Variants in VMA12 observed in about 807,000 individuals in gnomAD.
The protein encoded by VMA12 is vacuolar ATPase assembly factor VMA12.
chr17:28,358,603 A>G, the VMA12 span: 3 of 481,468 alleles, frequency 6.2e-6, no homozygotes, highest in Non-Finnish European at 1.2e-5. Context: ...ACTATGACCT[A>G]AACTTATTTA....
At chr17:28,358,402 T>C in the VMA12 span, 1 of 472,272 alleles carries the variant, frequency 2.1e-6, no homozygotes, top group Non-Finnish European at 4.4e-6. Flanking sequence ...GAAGGAGTCA[T>C]TTCTCCTCGC....
the VMA12 span, chr17:28,360,542 G>A: frequency 6.2e-7 from 1 of 1,614,170 alleles, no homozygotes. Flanking sequence ...ACAAGACATG[G>A]TGGGACTCTC....
the VMA12 span, chr17:28,360,581 T>C: frequency 1.9e-6 from 3 of 1,614,174 alleles, no homozygotes; most frequent in African/African-American, 2.7e-5. Flanking sequence ...GGTGAGGTAC[T>C]AGGAGATCAG....
the VMA12 span, chr17:28,360,535 A>G: frequency 6.2e-7 from 1 of 1,614,154 alleles, no homozygotes; most frequent in Non-Finnish European, 8.5e-7. Context: ...CCAGGATACA[A>G]GACATGGTGG....
the VMA12 span, chr17:28,363,672 A>G: frequency 6.6e-6 from 1 of 152,226 alleles, no homozygotes. Context: ...AATTAAATCA[A>G]CATAAGCCCC....
chr17:28,361,303 A>T, the VMA12 span: 6 of 1,571,822 alleles, frequency 3.8e-6, no homozygotes, highest in East Asian at 1.1e-4. Context: ...TTCAGGCTCC[A>T]ATTGGCAGTC....
chr17:28,360,824 T>C, the VMA12 span: 1 of 1,613,900 alleles, frequency 6.2e-7, no homozygotes, highest in Non-Finnish European at 8.5e-7. Flanking sequence ...TGGAAGCCAA[T>C]ATATCTTCAC....
chr17:28,358,902 C>G, the VMA12 span: 1 of 1,603,954 alleles, frequency 6.2e-7, no homozygotes, highest in African/African-American at 1.3e-5. Context: ...GTTTGTGAAA[C>G]CTTTTCTTCT....
chr17:28,362,996 G>T, the VMA12 span: 3 of 152,072 alleles, frequency 2.0e-5, no homozygotes, highest in African/African-American at 7.2e-5. Context: ...GGCCTTCCCA[G>T]TTTCTTAGGG....
chr17:28,357,816 G>A, the VMA12 span: 1 of 1,614,120 alleles, frequency 6.2e-7, no homozygotes. Flanking sequence ...GATAGCTCCA[G>A]TGGCCCCCAA....
At chr17:28,361,717 T>A in the VMA12 span, 1 of 155,636 alleles carries the variant, frequency 6.4e-6, no homozygotes, top group Admixed American at 6.2e-5. Context: ...ACAGAAAGGA[T>A]CCCCTTTCTC....
At chr17:28,359,156 A>C in the VMA12 span, 1 of 960,534 alleles carries the variant, frequency 1.0e-6, no homozygotes. Context: ...GAAAATTGAG[A>C]TCAAAAAAAA....
chr17:28,363,434 T>A, the VMA12 span: 2 of 152,000 alleles, frequency 1.3e-5, no homozygotes, highest in Non-Finnish European at 2.9e-5. Flanking sequence ...ATTTAGGGAT[T>A]AGGTGATGGA....
At chr17:28,359,387 C>T in the VMA12 span, 15 of 1,614,056 alleles carry the variant, frequency 9.3e-6, no homozygotes, top group South Asian at 2.2e-5. Context: ...ACGGATCACC[C>T]GCAACGTCAC....
the VMA12 span, chr17:28,359,195 C>A: frequency 1.9e-6 from 2 of 1,080,450 alleles, no homozygotes; most frequent in Non-Finnish European, 2.7e-6. Flanking sequence ...ACTGGAGTTA[C>A]GACTAGTATG....
At chr17:28,359,276 T>C in the VMA12 span, 2 of 1,606,168 alleles carry the variant, frequency 1.2e-6, no homozygotes, top group African/African-American at 2.7e-5. Flanking sequence ...TCTAACAAGC[T>C]GGGAATATCA....
chr17:28,358,806 A>G, the VMA12 span: 56 of 801,364 alleles, frequency 7.0e-5, no homozygotes, highest in African/African-American at 8.6e-4. Context: ...GGATTAATGT[A>G]GAGATGGCCC....
chr17:28,358,915 G>T, the VMA12 span: 5 of 1,608,110 alleles, frequency 3.1e-6, no homozygotes, highest in Middle Eastern at 1.7e-4. Context: ...TTTCTTCTCA[G>T]ATTCCAAACT....
At chr17:28,358,462 A>G in the VMA12 span, 1 of 472,472 alleles carries the variant, frequency 2.1e-6, no homozygotes, top group South Asian at 1.5e-5. Flanking sequence ...ACAAACTAGC[A>G]CATAAGGTAT....
Sources: allele counts gnomAD v4.1 joint callset, GRCh38; gene constraint gnomAD v4.1.1; transcripts MANE v1.5; gene names NCBI Gene and HGNC (gene_info 2026-07-23, HGNC 2026-07-21).